NPNT: variants seen among roughly 807,000 people sequenced by gnomAD.
NPNT encodes the protein nephronectin, also known as preosteoblast EGF-like repeat protein with MAM domain.
In NPNT, 45 loss-of-function variants were observed where a neutral mutation model predicts 68.6. The observed-to-expected ratio is 0.66, with a 90% confidence interval of 0.52 to 0.84. The LOEUF (loss-of-function observed/expected upper bound fraction) is 0.84. NPNT is among the 40% of genes least tolerant of loss of function. The pLI, the probability that NPNT is intolerant of heterozygous loss-of-function variation, is 0.00. For synonymous variants in NPNT, 233 were observed against 253.3 expected (o/e 0.92, Z 0.76); for missense variants, 672 against 714.8 (o/e 0.94, Z 0.68).
chr4:105,907,655 C>T (rs1375944253), intron 2 of NPNT, among the ~76,000 whole-genome samples: 1 of 151,978 alleles, frequency 6.6e-6, no homozygotes, highest in East Asian at 1.9e-4. Context: ...ATACTAGTAG[C>T]ATATTGATGG....
chr4:105,949,228 A>C (rs1404533349), intron 8 of NPNT, among the ~76,000 whole-genome samples: 1 of 152,230 alleles, frequency 6.6e-6, no homozygotes, highest in Non-Finnish European at 1.5e-5. Flanking sequence ...TGCTAACAAT[A>C]TTGCAAATCT....
chr4:105,941,555 G>A (rs1729954189), intron 7 of NPNT, among the ~76,000 whole-genome samples: 2 of 152,050 alleles, frequency 1.3e-5, no homozygotes, highest in Admixed American at 6.6e-5. Flanking sequence ...GAAAACCATG[G>A]TGCATAAAAT....
At chr4:105,967,119 C>G in intron 10 of NPNT, 69 bp from the exon 11 acceptor site, 1 of 1,400,752 alleles carries the variant, frequency 7.1e-7, no homozygotes, top group South Asian at 1.3e-5. Flanking sequence ...AACTAAAACT[C>G]CTGTCCATGC....
At chr4:105,933,118 C>T (rs1729244407) in intron 3 of NPNT, among the ~76,000 whole-genome samples, 1 of 152,088 alleles carries the variant, frequency 6.6e-6, no homozygotes, top group Non-Finnish European at 1.5e-5. Flanking sequence ...AAAATCAAAG[C>T]ATACATTAGT....
rs780095462 is a variant in NPNT at position 105,942,497 on chromosome 4, T to C, written c.954T>C (p.Pro318=). The C allele has an allele frequency of 7.3e-5, 117 of 1,613,750 alleles. No individual in the cohort carries two copies. The Middle Eastern group carries it at 2.5e-3, about 34-fold the overall frequency. The change falls in exon 8 of 12, where the codon CCT becomes CCC. Residue 318 remains proline, a synonymous_variant. Transcript: ENST00000379987. ...CTACTTCTAAGCCAACAACAAGACC[T>C]ACACCAAAGCCAACACCAATTCCTA... ...NRPTSKPTTR[P]TPKPTPIPTP...
intron 11 of NPNT, among the ~76,000 whole-genome samples, chr4:105,967,930 C>T (rs778445094): frequency 8.6e-5 from 13 of 151,910 alleles, no homozygotes; most frequent in Non-Finnish European, 1.3e-4. Context: ...AGTTAAGCAG[C>T]GTAGGGTGGG....
At chr4:105,950,499 C>G (rs1730739603) in intron 8 of NPNT, among the ~76,000 whole-genome samples, 1 of 152,052 alleles carries the variant, frequency 6.6e-6, no homozygotes, top group Admixed American at 6.5e-5. Flanking sequence ...TTTACCCAGA[C>G]TGGAGTGCAG....
At chr4:105,903,294 T>G (rs566420339) in intron 2 of NPNT, among the ~76,000 whole-genome samples, 2 of 152,262 alleles carry the variant, frequency 1.3e-5, no homozygotes, top group African/African-American at 4.8e-5. Flanking sequence ...TTGAATCCAC[T>G]GTATGCTTTC....
At position 105,940,571 on chromosome 4, in the gene NPNT, A is replaced by G. The variant is rs756047160; in HGVS notation, c.698A>G (p.Asn233Ser). The change falls in exon 7 of 12, where the codon AAC becomes AGC. Residue 233 changes from asparagine (N) to serine (S), a missense_variant. Physicochemically the swap from Asn to Ser is conservative, Grantham distance 46 (BLOSUM62 1). Coordinates refer to ENST00000379987, the MANE Select transcript of NPNT (RefSeq NM_001033047.3). Reference protein sequence around the residue: ...YQCSSFARCYNIRGSYKCKCK... With the variant: ...YQCSSFARCYSIRGSYKCKCK... ...TGCAGCAGCTTTGCTCGATGTTATA[A>G]CATACGTGGGTCCTACAAGTGCAAA... 9 of 1,612,856 alleles carry G rather than the reference A, an allele frequency of 5.6e-6. No individual in the cohort carries two copies. The highest frequency in any genetic ancestry group is 2.7e-5 in the African/African-American group (2 of 74,884).
At chr4:105,939,895 G>C (rs867729406) in intron 5 of NPNT, among the ~76,000 whole-genome samples, 180 bp from the exon 6 acceptor site, 22 of 152,142 alleles carry the variant, frequency 1.4e-4, no homozygotes, top group African/African-American at 4.8e-4. Context: ...GGCTTAGAAG[G>C]CTGGGTTGAA....
chr4:105,969,401 T>C lies in NPNT; in HGVS notation c.*411T>C, dbSNP rs1732414642. On this transcript the variant is annotated 3_prime_UTR_variant, in exon 12 of 12. Coordinates refer to ENST00000379987, the MANE Select transcript of NPNT (RefSeq NM_001033047.3). Reference sequence around the variant, plus strand: ...ATGTTATGTGTTCGGTGTTGTACCATGAGTAGTATTGACTTCCCTTGAGAT... The same window carrying C: ...ATGTTATGTGTTCGGTGTTGTACCACGAGTAGTATTGACTTCCCTTGAGAT... 6.3e-6 allele frequency: 1 copy of C among 158,096 alleles called. No homozygotes were observed. The highest frequency in any genetic ancestry group is 1.4e-5 in the Non-Finnish European group (1 of 71,630). 9.8% of individuals were successfully genotyped at this position (158,096 alleles called of 1,614,324 possible). A position where few individuals can be genotyped will look rare whatever the true frequency, so the allele number is the denominator to read the frequency against.
At chr4:105,946,065 A>G (rs73836916) in intron 8 of NPNT, among the ~76,000 whole-genome samples, 2,278 of 152,294 alleles carry the variant, frequency 0.015, 64 homozygotes, top group African/African-American at 0.052. Flanking sequence ...TTACGTGTAC[A>G]TTTGTCTATA....
At chr4:105,953,616 G>A (rs577166050) in intron 8 of NPNT, among the ~76,000 whole-genome samples, 4 of 152,296 alleles carry the variant, frequency 2.6e-5, no homozygotes, top group Admixed American at 2.6e-4. Flanking sequence ...GAGAGACAGG[G>A]AGAGGAGGAG....
chr4:105,923,180 C>A (rs1728390956), intron 2 of NPNT, among the ~76,000 whole-genome samples: 1 of 152,148 alleles, frequency 6.6e-6, no homozygotes, highest in South Asian at 2.1e-4. Context: ...TTTTTGCTGA[C>A]CTCTGAGAGC....
At chr4:105,925,027 A>G (rs1728580169) in intron 2 of NPNT, among the ~76,000 whole-genome samples, 1 of 152,082 alleles carries the variant, frequency 6.6e-6, no homozygotes, top group South Asian at 2.1e-4. Context: ...ATCTTTTTAG[A>G]TTAAAAAGAA....
At chr4:105,905,633 A>C (rs1206168891) in intron 2 of NPNT, among the ~76,000 whole-genome samples, 2 of 152,194 alleles carry the variant, frequency 1.3e-5, no homozygotes, top group African/African-American at 4.8e-5. Context: ...ACATGAATGA[A>C]TGTACTATAA....
intron 7 of NPNT, among the ~76,000 whole-genome samples, chr4:105,941,264 C>T (rs1578649232): frequency 1.3e-5 from 2 of 152,138 alleles, no homozygotes; most frequent in African/African-American, 4.8e-5. Flanking sequence ...TCACTTGAGC[C>T]TGGGATCTTA....
chr4:105,971,152 G>T lies in NPNT; in HGVS notation c.*2162G>T. ...AACACAGTTCAGAGAGATTTTCATC[G>T]GGTGCATTCTCTCTGCTTCGTGTGT... On this transcript the variant is annotated 3_prime_UTR_variant, in exon 12 of 12. Coordinates refer to ENST00000379987, the MANE Select transcript of NPNT (RefSeq NM_001033047.3). 3 of 455,054 alleles carry T rather than the reference G, an allele frequency of 6.6e-6. No individual in the cohort carries two copies. The highest frequency in any genetic ancestry group is 4.7e-5 in the South Asian group (3 of 64,452). 28.2% of individuals were successfully genotyped at this position (455,054 alleles called of 1,614,324 possible). A position where few individuals can be genotyped will look rare whatever the true frequency, so the allele number is the denominator to read the frequency against.
intron 4 of NPNT, among the ~76,000 whole-genome samples, chr4:105,937,741 A>C (rs4635819): frequency 6.6e-6 from 1 of 152,066 alleles, no homozygotes; most frequent in South Asian, 2.1e-4. Context: ...AAAATGGACT[A>C]TGCCCTAAAA....
Sources: gnomAD v4.1 joint callset for allele counts (sites outside exome capture counted in the v4.1 genomes callset) on GRCh38, gnomAD v4.1.1 for gene constraint, MANE v1.5 for transcripts, NCBI Gene and HGNC (gene_info 2026-07-23, HGNC 2026-07-21) for gene names.